The following FMNL2 variants were observed in gnomAD, a reference collection of about 807,000 sequenced individuals.
FMNL2 encodes the protein formin-like protein 2.
A neutral mutation model predicts 130.2 loss-of-function variants in FMNL2; 51 were observed. That is an observed-to-expected ratio of 0.39 (90% CI 0.31 to 0.49). The LOEUF (loss-of-function observed/expected upper bound fraction) is 0.49, where lower values mean the gene tolerates loss of function less well. FMNL2 is among the 20% of genes least tolerant of loss of function. The probability of loss-of-function intolerance (pLI) is 0.85; values close to 1 mark genes in which losing one functional copy is unlikely to be tolerated. For synonymous variants in FMNL2, 465 were observed against 467.1 expected (o/e 1.00, Z 0.06); for missense variants, 977 against 1,316.2 (o/e 0.74, Z 3.99).
At chr2:152,501,115 C>T (rs1372351837) in intron 1 of FMNL2, among the ~76,000 whole-genome samples, 3 of 152,198 alleles carry the variant, frequency 2.0e-5, no homozygotes, top group Non-Finnish European at 4.4e-5. Flanking sequence ...GTTTTACAGG[C>T]AGTAAAAACA....
intron 1 of FMNL2, among the ~76,000 whole-genome samples, chr2:152,363,933 A>C (rs1414440797): frequency 6.6e-6 from 1 of 152,100 alleles, no homozygotes; most frequent in African/African-American, 2.4e-5. Context: ...ATTTTTTGCT[A>C]TAGCAGACCC....
chr2:152,561,601 C>A (rs1305764998), intron 6 of FMNL2, among the ~76,000 whole-genome samples: 1 of 148,738 alleles, frequency 6.7e-6, no homozygotes, highest in Non-Finnish European at 1.5e-5. Context: ...GAGATGGAAT[C>A]TCGCTCTTGT....
intron 2 of FMNL2, among the ~76,000 whole-genome samples, chr2:152,541,160 T>C (rs6739300): frequency 0.1 from 15,205 of 152,164 alleles, 1,095 homozygotes; most frequent in Admixed American, 0.22. Flanking sequence ...TTCTTTTCTT[T>C]TCTTTTTTTT....
intron 1 of FMNL2, among the ~76,000 whole-genome samples, chr2:152,355,741 C>T (rs1024263054): frequency 1.3e-5 from 2 of 152,214 alleles, no homozygotes; most frequent in Non-Finnish European, 2.9e-5. Flanking sequence ...CAGCACTGCT[C>T]TATGATGTGC....
At chr2:152,522,221 G>A (rs1049408509) in intron 2 of FMNL2, among the ~76,000 whole-genome samples, 195 bp downstream of exon 2, 2 of 151,048 alleles carry the variant, frequency 1.3e-5, no homozygotes, top group Admixed American at 1.3e-4. Flanking sequence ...GTTTGAACAA[G>A]CTAATTATTA....
chr2:152,550,598 C>G (rs72868244), intron 4 of FMNL2, among the ~76,000 whole-genome samples: 7 of 152,060 alleles, frequency 4.6e-5, no homozygotes, highest in Admixed American at 2.0e-4. Context: ...TGCTGGCAGC[C>G]GTTTCCCTGA....
chr2:152,348,829 T>TTTTTC (rs1682289543), intron 1 of FMNL2, among the ~76,000 whole-genome samples: 1 of 107,092 alleles, frequency 9.3e-6, no homozygotes. Context: ...TTTTTTTTTT[T>TTTTTC]TTTTTTTTTT....
intron 20 of FMNL2, among the ~76,000 whole-genome samples, chr2:152,630,936 C>T (rs988280740): frequency 6.6e-6 from 1 of 152,152 alleles, no homozygotes; most frequent in Non-Finnish European, 1.5e-5. Context: ...CAGTGTCCCC[C>T]TTATCCATGG....
intron 1 of FMNL2, among the ~76,000 whole-genome samples, chr2:152,500,908 C>T (rs1467727620): frequency 6.6e-6 from 1 of 152,208 alleles, no homozygotes; most frequent in African/African-American, 2.4e-5. Context: ...TAAAATCTGC[C>T]TGGATTTGAC....
chr2:152,461,211 A>C (rs868838654), intron 1 of FMNL2, among the ~76,000 whole-genome samples: 12 of 152,250 alleles, frequency 7.9e-5, no homozygotes, highest in African/African-American at 2.7e-4. Flanking sequence ...ATAAGAAAGA[A>C]ACAGTTCACC....
At chr2:152,351,292 G>A (rs1333908485) in intron 1 of FMNL2, among the ~76,000 whole-genome samples, 1 of 152,116 alleles carries the variant, frequency 6.6e-6, no homozygotes, top group East Asian at 1.9e-4. Context: ...CTATCAACCT[G>A]TCATCTAGGT....
At chr2:152,517,211 A>C (rs999532931) in intron 1 of FMNL2, among the ~76,000 whole-genome samples, 1 of 152,160 alleles carries the variant, frequency 6.6e-6, no homozygotes, top group African/African-American at 2.4e-5. Flanking sequence ...AGCAACAGAT[A>C]TTATCATGGA....
intron 1 of FMNL2, among the ~76,000 whole-genome samples, chr2:152,488,102 A>G (rs1690939453): frequency 6.6e-6 from 1 of 152,184 alleles, no homozygotes; most frequent in South Asian, 2.1e-4. Flanking sequence ...TCCTTTAGAA[A>G]TTATTTTCTG....
intron 8 of FMNL2, among the ~76,000 whole-genome samples, chr2:152,579,413 A>G (rs1696652143): frequency 6.6e-6 from 1 of 152,230 alleles, no homozygotes; most frequent in Non-Finnish European, 1.5e-5. Context: ...AAATAATTGT[A>G]GTGGCCAGCC....
At chr2:152,644,507 A>G (rs965262117) in intron 25 of FMNL2, among the ~76,000 whole-genome samples, 2 of 152,304 alleles carry the variant, frequency 1.3e-5, no homozygotes, top group African/African-American at 2.4e-5. Flanking sequence ...CCTAGCTTGT[A>G]TATGTAGATA....
chr2:152,440,894 C>T (rs1411765572), intron 1 of FMNL2, among the ~76,000 whole-genome samples: 2 of 152,156 alleles, frequency 1.3e-5, no homozygotes, highest in African/African-American at 4.8e-5. Flanking sequence ...CTAAATCTTG[C>T]CAGCCTATCA....
intron 1 of FMNL2, among the ~76,000 whole-genome samples, chr2:152,447,629 A>G (rs1381068170): frequency 1.3e-5 from 2 of 151,978 alleles, no homozygotes; most frequent in African/African-American, 2.4e-5. Flanking sequence ...GTCTCTTTAA[A>G]TGCATTTTCA....
At chr2:152,493,676 G>T (rs967627299) in intron 1 of FMNL2, among the ~76,000 whole-genome samples, 1 of 152,160 alleles carries the variant, frequency 6.6e-6, no homozygotes, top group Non-Finnish European at 1.5e-5. Flanking sequence ...CTGTTGCCAC[G>T]TGATCTCTGC....
chr2:152,576,505 C>G (rs902723438), intron 7 of FMNL2, among the ~76,000 whole-genome samples: 5 of 152,166 alleles, frequency 3.3e-5, no homozygotes, highest in Non-Finnish European at 7.3e-5. Context: ...TAATATTACT[C>G]TCCCCATTTT....
Sources: gnomAD v4.1 joint callset for allele counts (sites outside exome capture counted in the v4.1 genomes callset) on GRCh38, gnomAD v4.1.1 for gene constraint, MANE v1.5 for transcripts, NCBI Gene and HGNC (gene_info 2026-07-23, HGNC 2026-07-21) for gene names.